Variants in PKHD1 observed in about 807,000 individuals in gnomAD.
The protein encoded by PKHD1 is fibrocystin.
In PKHD1, 291 loss-of-function variants were observed where a neutral mutation model predicts 412.0. The ratio of observed to expected loss-of-function variants is 0.71; its 90% CI spans 0.64 to 0.78. The LOEUF is 0.78. Among genes scored for constraint, PKHD1 ranks in the 30% least tolerant of loss-of-function variants. The pLI is 0.00. For synonymous variants in PKHD1, 1,777 were observed against 1,821.5 expected, an observed-to-expected ratio of 0.98 and a Z score of 0.62; for missense variants, 4,825 against 4,950.7, an observed-to-expected ratio of 0.97 and a Z score of 0.76.
intron 53 of PKHD1, among the ~76,000 whole-genome samples, chr6:51,790,835 C>T (rs1793618340): frequency 6.6e-6 from 1 of 152,140 alleles, no homozygotes; most frequent in African/African-American, 2.4e-5. Flanking sequence ...GTTAAGACAA[C>T]AATTGAAATT....
chr6:51,648,096 C>T lies in PKHD1; in HGVS notation c.11333G>A (p.Gly3778Glu). The change falls in exon 63 of 67, where the codon GGA becomes GAA. Residue 3778 changes from glycine (G) to glutamate (E), a missense_variant. Transcript: ENST00000371117. ...AATTGTCCATGGCTCTGAAGGAGGT[C>T]CCAGGGACTCTACTCTTCGATTCTA... ...DEQNRRVESL[G>E]PPSEPWTISA... 1 of 1,602,800 alleles carries T rather than the reference C, an allele frequency of 6.2e-7. No homozygotes were observed.
At chr6:52,012,213 G>A (rs536334108) in intron 34 of PKHD1, among the ~76,000 whole-genome samples, 4 of 152,324 alleles carry the variant, frequency 2.6e-5, no homozygotes, top group African/African-American at 9.6e-5. Context: ...CCTATTTTGT[G>A]GAGGTGTTGA....
chr6:51,634,784 G>C (rs1284603156), intron 64 of PKHD1, among the ~76,000 whole-genome samples: 1 of 152,140 alleles, frequency 6.6e-6, no homozygotes, highest in African/African-American at 2.4e-5. Flanking sequence ...TTGATACTTA[G>C]GAGACTTACG....
chr6:51,827,300 C>G (rs1767471754), intron 52 of PKHD1, among the ~76,000 whole-genome samples: 1 of 152,128 alleles, frequency 6.6e-6, no homozygotes, highest in East Asian at 1.9e-4. Context: ...TGATACATTA[C>G]AAATCACAGC....
chr6:52,023,133 C>T (rs1801651206), intron 32 of PKHD1, among the ~76,000 whole-genome samples, 189 bp from the exon 33 acceptor site: 1 of 152,136 alleles, frequency 6.6e-6, no homozygotes, highest in South Asian at 2.1e-4. Flanking sequence ...TGTCTGACTC[C>T]AATCACATTC....
chr6:51,908,614 T>C (rs1782497006), intron 40 of PKHD1, among the ~76,000 whole-genome samples: 1 of 152,156 alleles, frequency 6.6e-6, no homozygotes, highest in South Asian at 2.1e-4. Flanking sequence ...TTTAGAACTT[T>C]TATCAGTGCA....
At chr6:51,653,154 T>C (rs568169369) in intron 61 of PKHD1, among the ~76,000 whole-genome samples, 2 of 152,252 alleles carry the variant, frequency 1.3e-5, no homozygotes, top group South Asian at 4.1e-4. Context: ...TATGCAAAGA[T>C]ATAGAACACT....
At chr6:51,951,177 CTT>C (rs961167558) in intron 36 of PKHD1, among the ~76,000 whole-genome samples, 5 of 152,146 alleles carry the variant, frequency 3.3e-5, no homozygotes, top group Admixed American at 3.3e-4. Flanking sequence ...CCTAACTAAA[CTT>C]TGATTTCCTT....
chr6:52,057,004 C>G lies in PKHD1; in HGVS notation c.1513-25G>C, dbSNP rs374827799. 3.5e-5 allele frequency: 52 copies of G among 1,475,536 alleles called. No individual in the cohort carries two copies. In the African/African-American group the frequency reaches 6.5e-4, roughly 18 times the overall value. 91.4% of individuals were successfully genotyped at this position (1,475,536 alleles called of 1,614,324 possible). ...CCTAAAAAAGTCAAGACAGACAAGA[C>G]TAAATGATGGTGCTAATTAAGCCAG... On this transcript the variant is annotated intron_variant, in intron 16 of 66. Transcript: ENST00000371117.
At chr6:52,059,259 CTTTTTT>C (rs55992586) in intron 15 of PKHD1, among the ~76,000 whole-genome samples, 89 of 83,528 alleles carry the variant, frequency 1.1e-3, no homozygotes, top group Admixed American at 1.5e-3. Flanking sequence ...TTTTCTTTTT[CTTTTTT>C]TTTTTTTTTT....
chr6:51,727,338 T>C (rs1782701725), intron 60 of PKHD1, among the ~76,000 whole-genome samples: 1 of 152,106 alleles, frequency 6.6e-6, no homozygotes, highest in South Asian at 2.1e-4. Flanking sequence ...CCTCCTCAGA[T>C]GAAAGAACTT....
intron 52 of PKHD1, among the ~76,000 whole-genome samples, chr6:51,820,920 T>C (rs1036246996): frequency 2.6e-5 from 4 of 152,034 alleles, no homozygotes; most frequent in African/African-American, 9.7e-5. Context: ...AATTTTACAT[T>C]CCAAAAATAT....
chr6:51,660,052 A>T (rs1562044891), intron 60 of PKHD1, 83 bp from the exon 61 acceptor site: 11 of 846,442 alleles, frequency 1.3e-5, no homozygotes, highest in Non-Finnish European at 2.1e-5. Flanking sequence ...TCTTGCCATC[A>T]TCTATAACTG....
chr6:51,786,077 T>G (rs1040082785), intron 53 of PKHD1, among the ~76,000 whole-genome samples: 1 of 152,188 alleles, frequency 6.6e-6, no homozygotes, highest in African/African-American at 2.4e-5. Context: ...ACTATTATTA[T>G]TTCTACTTTG....
intron 20 of PKHD1, 48 bp downstream of exon 20, chr6:52,053,990 C>A: frequency 6.2e-7 from 1 of 1,609,306 alleles, no homozygotes; most frequent in Non-Finnish European, 8.5e-7. Context: ...AACAGTGAAT[C>A]CTCCCAGCTG....
At chr6:51,644,920 T>G (rs1426512290) in intron 63 of PKHD1, among the ~76,000 whole-genome samples, 2 of 152,318 alleles carry the variant, frequency 1.3e-5, no homozygotes, top group Non-Finnish European at 1.5e-5. Flanking sequence ...CCTTGTGATC[T>G]GCCCGCCTTG....
At chr6:51,856,621 C>G (rs983848319) in intron 48 of PKHD1, among the ~76,000 whole-genome samples, 1 of 152,218 alleles carries the variant, frequency 6.6e-6, no homozygotes, top group African/African-American at 2.4e-5. Context: ...GGTGCTGAGA[C>G]TCTCAGAAGT....
intron 52 of PKHD1, among the ~76,000 whole-genome samples, chr6:51,793,261 AT>A (rs1240338184): frequency 1.3e-5 from 2 of 152,204 alleles, no homozygotes; most frequent in African/African-American, 4.8e-5. Flanking sequence ...TTTAGCACAC[AT>A]TTTATGGGTT....
intron 35 of PKHD1, among the ~76,000 whole-genome samples, chr6:51,977,164 T>C (rs1794567511): frequency 1.3e-5 from 2 of 151,950 alleles, no homozygotes; most frequent in African/African-American, 2.4e-5. Flanking sequence ...CCCAGAGAGG[T>C]AAAGTGTCTT....
Sources: gnomAD v4.1 joint callset for allele counts (sites outside exome capture counted in the v4.1 genomes callset) on GRCh38, gnomAD v4.1.1 for gene constraint, MANE v1.5 for transcripts, NCBI Gene and HGNC (gene_info 2026-07-23, HGNC 2026-07-21) for gene names.